CALN1: variants seen among roughly 807,000 people sequenced by gnomAD.
The protein encoded by CALN1 is calcium-binding protein 8.
A neutral mutation model predicts 30.6 loss-of-function variants in CALN1; 17 were observed. The observed-to-expected ratio is 0.56, with a 90% CI of 0.38 to 0.83. CALN1 has a LOEUF of 0.83. CALN1 is among the 40% of genes least tolerant of loss of function. CALN1 has a pLI of 0.00. For synonymous variants in CALN1, 156 were observed against 131.4 expected (o/e 1.19, Z -1.28); for missense variants, 291 against 354.9 (o/e 0.82, Z 1.45).
chr7:72,336,111 C>T (rs780814071), intron 2 of CALN1, among the ~76,000 whole-genome samples: 1 of 152,214 alleles, frequency 6.6e-6, no homozygotes, highest in Non-Finnish European at 1.5e-5. Context: ...CACCCTGGCG[C>T]CCCCGGACTC....
At chr7:72,258,121 T>TG (rs1408015833) in intron 3 of CALN1, among the ~76,000 whole-genome samples, 1 of 151,432 alleles carries the variant, frequency 6.6e-6, no homozygotes, top group African/African-American at 2.4e-5. Context: ...TGAAATGAAT[T>TG]TTTTAAAAAA....
chr7:72,035,864 T>C (rs772814152), intron 4 of CALN1, among the ~76,000 whole-genome samples: 1 of 152,208 alleles, frequency 6.6e-6, no homozygotes, highest in Non-Finnish European at 1.5e-5. Context: ...GAAAACAAAA[T>C]GTAGAGTTAC....
At chr7:72,370,931 C>T (rs567168131) in intron 2 of CALN1, among the ~76,000 whole-genome samples, 2 of 151,770 alleles carry the variant, frequency 1.3e-5, no homozygotes, top group South Asian at 4.2e-4. Flanking sequence ...GCCTGTAATT[C>T]CAGCCACTTG....
At chr7:72,288,987 A>T (rs929245431) in intron 2 of CALN1, among the ~76,000 whole-genome samples, 3 of 152,220 alleles carry the variant, frequency 2.0e-5, no homozygotes, top group African/African-American at 7.2e-5. Flanking sequence ...GTGTAAATGT[A>T]AATAAGGGGC....
At position 72,152,741 on chromosome 7, in the gene CALN1, CTAGTTTTTCT is replaced by C. The variant is rs1360063850; in HGVS notation, c.245-46457_245-46448del. On this transcript the variant is annotated intron_variant, in intron 3 of 6. Coordinates refer to ENST00000395275, the MANE Select transcript of CALN1 (RefSeq NM_031468.4). ...GCACCAGAGAGGATTAGAGTTTTTC[CTAGTTTTTCT>C]TAGGTTCTAAACGTGACAGGAAGCA... is the stretch of plus-strand genomic sequence containing the variant. Among the ~76,000 whole-genome samples the C allele has an allele frequency of 5.3e-5, 8 of 152,162 alleles. 1 individual carries two copies. The East Asian group carries it at 1.5e-3, about 29-fold the overall frequency.
At chr7:72,237,640 T>C (rs1221927125) in intron 3 of CALN1, among the ~76,000 whole-genome samples, 2 of 152,102 alleles carry the variant, frequency 1.3e-5, no homozygotes, top group African/African-American at 2.4e-5. Context: ...TGGGGCTGAG[T>C]TCTGGGAGGG....
chr7:71,922,596 A>G (rs1195730746), intron 5 of CALN1, among the ~76,000 whole-genome samples: 2 of 141,864 alleles, frequency 1.4e-5, no homozygotes, highest in Non-Finnish European at 3.0e-5. Context: ...TGTATTATAT[A>G]TAAATATATA....
intron 5 of CALN1, among the ~76,000 whole-genome samples, chr7:72,021,796 A>G (rs970125423): frequency 2.0e-5 from 3 of 152,206 alleles, no homozygotes; most frequent in South Asian, 2.1e-4. Flanking sequence ...TCCAGCCCCA[A>G]CTGATTTCAG....
intron 6 of CALN1, among the ~76,000 whole-genome samples, chr7:71,790,859 C>T (rs1375426421): frequency 6.6e-6 from 1 of 151,992 alleles, no homozygotes; most frequent in Admixed American, 6.6e-5. Flanking sequence ...CTGCCGGGGA[C>T]AGGAGGGGTG....
chr7:72,022,545 A>G (rs1800762266), intron 5 of CALN1, among the ~76,000 whole-genome samples: 1 of 152,182 alleles, frequency 6.6e-6, no homozygotes, highest in South Asian at 2.1e-4. Flanking sequence ...GGCATGCGCC[A>G]TCACATTTGG....
chr7:71,850,827 T>C (rs188159725), intron 5 of CALN1, among the ~76,000 whole-genome samples: 2 of 152,176 alleles, frequency 1.3e-5, no homozygotes, highest in African/African-American at 2.4e-5. Context: ...CTACTATCCC[T>C]AGGCAGAAAG....
chr7:72,006,131 T>TA (rs1799761381), intron 5 of CALN1, among the ~76,000 whole-genome samples: 1 of 152,150 alleles, frequency 6.6e-6, no homozygotes, highest in Non-Finnish European at 1.5e-5. Flanking sequence ...TTCAATAACT[T>TA]AAAAAAATCC....
chr7:72,369,181 G>A (rs1425082293), intron 2 of CALN1, among the ~76,000 whole-genome samples: 4 of 151,598 alleles, frequency 2.6e-5, no homozygotes, highest in African/African-American at 9.7e-5. Flanking sequence ...CATGTAAAGT[G>A]TACAATTTAT....
intron 5 of CALN1, among the ~76,000 whole-genome samples, chr7:71,889,457 C>T (rs1793109501): frequency 1.3e-5 from 2 of 152,048 alleles, no homozygotes; most frequent in African/African-American, 4.8e-5. Context: ...ACAGTAGCTT[C>T]CCCCCATTTG....
chr7:71,922,614 G>A (rs992461924), intron 5 of CALN1, among the ~76,000 whole-genome samples: 5 of 129,214 alleles, frequency 3.9e-5, no homozygotes, highest in Non-Finnish European at 7.9e-5. Flanking sequence ...ATAACACACA[G>A]AATATATTAT....
chr7:71,896,642 A>G (rs764876722), intron 5 of CALN1, among the ~76,000 whole-genome samples: 1 of 152,084 alleles, frequency 6.6e-6, no homozygotes, highest in Non-Finnish European at 1.5e-5. Flanking sequence ...TTGAGTATGA[A>G]AGGAAGGAGG....
intron 5 of CALN1, among the ~76,000 whole-genome samples, chr7:71,933,651 T>C (rs1201521706): frequency 2.0e-5 from 3 of 152,214 alleles, no homozygotes; most frequent in African/African-American, 7.2e-5. Flanking sequence ...CTCTGAATCC[T>C]TGGTGCCAGG....
the CALN1 span, among the ~76,000 whole-genome samples, chr7:72,465,915 C>T: frequency 5.3e-5 from 8 of 152,290 alleles, no homozygotes; most frequent in Middle Eastern, 3.4e-3. Flanking sequence ...GACACCGATA[C>T]GGAAGAGGGT....
chr7:72,325,063 G>A (rs1278772338), intron 2 of CALN1, among the ~76,000 whole-genome samples: 1 of 151,940 alleles, frequency 6.6e-6, no homozygotes, highest in Admixed American at 6.6e-5. Context: ...CTTTTGAGAG[G>A]CCAAGGCAGG....
Sources: allele counts gnomAD v4.1 joint callset (sites outside exome capture counted in the v4.1 genomes callset), GRCh38; gene constraint gnomAD v4.1.1; transcripts MANE v1.5; gene names NCBI Gene and HGNC (gene_info 2026-07-23, HGNC 2026-07-21).